Variants in OTUD3 observed in about 807,000 individuals in gnomAD.
OTUD3 encodes OTU deubiquitinase 3.
Under a neutral mutation model 46.2 loss-of-function variants are expected in OTUD3, and 24 were observed. The observed-to-expected ratio is 0.52, with a 90% confidence interval of 0.38 to 0.73. The LOEUF (loss-of-function observed/expected upper bound fraction) is 0.73, where lower values mean the gene tolerates loss of function less well. Ranked by LOEUF, OTUD3 falls within the 30% of genes least tolerant of loss-of-function variation. The probability of loss-of-function intolerance (pLI) is 0.00; values close to 1 mark genes in which losing one functional copy is unlikely to be tolerated. For synonymous variants in OTUD3, 189 were observed against 195.4 expected, an observed-to-expected ratio of 0.97 and a Z score of 0.27; for missense variants, 455 against 523.3, an observed-to-expected ratio of 0.87 and a Z score of 1.27.
chr1:19,897,833 G>C, intron 4 of OTUD3, 171 bp downstream of exon 4: 1 of 543,322 alleles, frequency 1.8e-6, no homozygotes, highest in Non-Finnish European at 3.0e-6. Context: ...GAGAGTGATA[G>C]ATAAAATTGC....
At position 19,896,816 on chromosome 1, in the gene OTUD3, C is replaced by G. The variant is rs79825719; in HGVS notation, c.484-724C>G. On this transcript the variant is annotated intron_variant, in intron 3 of 7. Transcript: ENST00000375120. Reference sequence around the variant, plus strand: ...CTTAGGGCTTCTGTACTGCACAACTCTAGGGAGCCCCATTCTTGTGCTGTG... The same window carrying G: ...CTTAGGGCTTCTGTACTGCACAACTGTAGGGAGCCCCATTCTTGTGCTGTG... Among the ~76,000 whole-genome samples, 250 of 152,304 alleles carry G rather than the reference C, an allele frequency of 1.6e-3. 8 individuals are homozygous for G. In the East Asian group the frequency reaches 0.045, roughly 27 times the overall value.
rs2100217396 is a variant in OTUD3, at chr1:19,882,616, A to G, written c.103A>G (p.Lys35Glu). 6.9e-7 allele frequency: 1 copy of G among 1,455,918 alleles called. No homozygotes were observed. Among genetic ancestry groups the G allele is most frequent in the South Asian group, 1.4e-5 (1 of 73,704 alleles). The allele number at this position is 1,455,918 out of a possible 1,614,324, so 90.2% of individuals were successfully genotyped here. A position where few individuals can be genotyped will look rare whatever the true frequency, so the allele number is the denominator to read the frequency against. The change falls in exon 1 of 8, where the codon AAG becomes GAG. Residue 35 changes from lysine to glutamate, a missense_variant. Transcript: ENST00000375120. ...GCGGGCGGCGCGCCGGGCCCTGGCC[A>G]AGGAGCGGCGGAATCGGCCGGAGTC... is the stretch of plus-strand genomic sequence containing the variant. The part of the protein sequence containing the change: ...DERAARRALA[K>E]ERRNRPESGG...
At position 19,887,912 on chromosome 1, in the gene OTUD3, T is replaced by C. The variant is rs561920677; in HGVS notation, c.222-2473T>C. On this transcript the variant is annotated intron_variant, in intron 1 of 7. Coordinates refer to ENST00000375120, the MANE Select transcript of OTUD3 (RefSeq NM_015207.2). ...TATTACTGCAGTCTAGAGAGCACGT[T>C]AGGTTTTTTGGTGCGTGTGTTGCAA... is the stretch of plus-strand genomic sequence containing the variant. Among the ~76,000 whole-genome samples the C allele has an allele frequency of 2.6e-5, 4 of 152,368 alleles. No individual in the cohort carries two copies. The South Asian group carries it at 8.3e-4, about 32-fold the overall frequency.
At chr1:19,883,010 C>A (rs575405679) in intron 1 of OTUD3, among the ~76,000 whole-genome samples, 1 of 152,322 alleles carries the variant, frequency 6.6e-6, no homozygotes, top group South Asian at 2.1e-4. Flanking sequence ...GGGAGCAGGG[C>A]CACTGGATTG....
In OTUD3 at chr1:19,907,673, A is replaced by T. The variant is rs2045681268; in HGVS notation, c.1124A>T (p.Asp375Val). Residue 375 changes from aspartate to valine, a missense_variant, in exon 8 of 8, where the codon GAC becomes GTC. Asp to Val is a radical substitution (Grantham distance 152, BLOSUM62 -3). Transcript: ENST00000375120. ...KALESRGSHR[D>V]NNRSEAEANT... ...CTGGAGAGCAGAGGTAGCCACAGGG[A>T]CAATAACAGAAGCGAAGCAGAGGCG... The T allele has an allele frequency of 1.2e-6, 2 of 1,614,232 alleles. No homozygotes were observed. Among genetic ancestry groups the T allele is most frequent in the Non-Finnish European group, 1.7e-6 (2 of 1,180,040 alleles).
At chr1:19,901,723 T>C (rs887844977) in intron 4 of OTUD3, among the ~76,000 whole-genome samples, 2 of 152,246 alleles carry the variant, frequency 1.3e-5, no homozygotes, top group African/African-American at 4.8e-5. Context: ...CCTTCTTCTC[T>C]ATGAATTTGC....
Position 19,890,538 on chromosome 1 carries a change from G to T in OTUD3, c.370+5G>T. ...ACATTCCTTTTGAGAAGCATGGTAG[G>T]TTCACTGTGGGACATTGTGTCCTTC... On this transcript the variant is annotated splice_donor_5th_base_variant and intron_variant, in intron 2 of 7. Coordinates refer to ENST00000375120, the MANE Select transcript of OTUD3 (RefSeq NM_015207.2). 1 of 1,613,358 alleles carries T rather than the reference G, an allele frequency of 6.2e-7. No individual in the cohort carries two copies.
intron 2 of OTUD3, among the ~76,000 whole-genome samples, 198 bp downstream of exon 2, chr1:19,890,731 C>G (rs1475269399): frequency 6.6e-6 from 1 of 152,114 alleles, no homozygotes; most frequent in East Asian, 1.9e-4. Flanking sequence ...GCTGTATATG[C>G]CCTTAATAAA....
At chr1:19,885,378 G>A (rs997323208) in intron 1 of OTUD3, among the ~76,000 whole-genome samples, 6 of 152,172 alleles carry the variant, frequency 3.9e-5, no homozygotes, top group African/African-American at 1.4e-4. Flanking sequence ...TAGTCCTTTC[G>A]AATGTGGTGA....
At chr1:19,895,371 A>G (rs892921019) in intron 3 of OTUD3, among the ~76,000 whole-genome samples, 1 of 152,168 alleles carries the variant, frequency 6.6e-6, no homozygotes, top group Non-Finnish European at 1.5e-5. Flanking sequence ...AACCACCACT[A>G]CTATCAACAC....
In OTUD3 at chr1:19,892,504, A is replaced by G. The variant is rs369470708; in HGVS notation, c.371-1864A>G. The stretch of plus-strand genomic sequence containing the variant: ...CTATTAAGGACCTGGTCACCCTTGC[A>G]TCTGGCTGTATCTTTAGGATTATTC... On this transcript the variant is annotated intron_variant, in intron 2 of 7. Coordinates refer to ENST00000375120, the MANE Select transcript of OTUD3 (RefSeq NM_015207.2). Among the ~76,000 whole-genome samples the G allele has an allele frequency of 5.9e-5, 9 of 152,198 alleles. No individual in the cohort carries two copies. In the East Asian group the frequency reaches 7.7e-4, roughly 13 times the overall value.
In OTUD3 at chr1:19,907,608, G is replaced by A. The variant is rs1457260778; in HGVS notation, c.1059G>A (p.Glu353=). 6.2e-7 allele frequency: 1 copy of A among 1,613,540 alleles called. No individual in the cohort carries two copies. The highest frequency in any genetic ancestry group is 2.2e-5 in the East Asian group (1 of 44,872). ...NKQRREQQWM[E]KKKRQEERHR... ...AGAGGCGAGAACAGCAGTGGATGGA[G>A]AAGAAGAAGCGGCAGGAGGAGAGGC... The change falls in exon 8 of 8, where the codon GAG becomes GAA. Residue 353 remains glutamate (E), a synonymous_variant. Coordinates refer to ENST00000375120, the MANE Select transcript of OTUD3 (RefSeq NM_015207.2).
chr1:19,904,953 T>G lies in OTUD3; in HGVS notation c.801T>G (p.Ile267Met), dbSNP rs1374603657. 6.3e-7 allele frequency: 1 copy of G among 1,595,084 alleles called. No homozygotes were observed. The highest frequency in any genetic ancestry group is 1.7e-5 in the Admixed American group (1 of 59,710). The change falls in exon 6 of 8, where the codon ATT becomes ATG. Residue 267 changes from isoleucine (I) to methionine (M), a missense_variant. Physicochemically the swap from Ile to Met is conservative, Grantham distance 10 (BLOSUM62 1). Coordinates refer to ENST00000375120, the MANE Select transcript of OTUD3 (RefSeq NM_015207.2). Reference sequence around the variant, plus strand: ...ATTATAATATTGAATCTGCAATAATTGCCGTGCTTCGGATGAACCAAGGGA... The same window carrying G: ...ATTATAATATTGAATCTGCAATAATGGCCGTGCTTCGGATGAACCAAGGGA... ...AENYNIESAI[I>M]AVLRMNQGKR...
Position 19,887,089 on chromosome 1 carries a change from T to C in OTUD3, c.222-3296T>C, listed in dbSNP as rs964570887. On this transcript the variant is annotated intron_variant, in intron 1 of 7. Transcript: ENST00000375120. ...TATTTTCTTTTTCTTTTTCTTTTTT[T>C]TTTTTTTTTGGAGACATTAGAGTTT... is the stretch of plus-strand genomic sequence containing the variant. Among the ~76,000 whole-genome samples the C allele has an allele frequency of 1.1e-3, 161 of 150,314 alleles. 2 individuals are homozygous for C. The highest frequency in any genetic ancestry group is 3.7e-3 in the African/African-American group (153 of 41,146).
intron 4 of OTUD3, among the ~76,000 whole-genome samples, chr1:19,900,452 A>G (rs2100299340): frequency 6.6e-6 from 1 of 152,114 alleles, no homozygotes; most frequent in Non-Finnish European, 1.5e-5. Flanking sequence ...GACCACCCAA[A>G]GTGTTGAGAT....
intron 2 of OTUD3, among the ~76,000 whole-genome samples, chr1:19,893,050 C>T (rs2045469731): frequency 6.6e-6 from 1 of 152,172 alleles, no homozygotes; most frequent in East Asian, 1.9e-4. Context: ...GAACATCATC[C>T]ATTTCTCCTG....
intron 4 of OTUD3, among the ~76,000 whole-genome samples, chr1:19,899,310 C>G (rs142383104): frequency 1.4e-4 from 21 of 152,274 alleles, no homozygotes; most frequent in African/African-American, 4.6e-4. Flanking sequence ...TGCACATATT[C>G]CACTTTTGCC....
In OTUD3 at chr1:19,909,661, G is replaced by A. The variant is rs775086040; in HGVS notation, c.*1915G>A. On this transcript the variant is annotated 3_prime_UTR_variant, in exon 8 of 8. Coordinates refer to ENST00000375120, the MANE Select transcript of OTUD3 (RefSeq NM_015207.2). ...CAGATCCTCTCAGAAAGATAAGATTGTATGCCAGAAATTCAGATTAGCAGT... is the reference window on the plus strand; with the variant it reads ...CAGATCCTCTCAGAAAGATAAGATTATATGCCAGAAATTCAGATTAGCAGT... 5.3e-5 allele frequency: 8 copies of A among 152,304 alleles called. No individual in the cohort carries two copies. Among genetic ancestry groups the A allele is most frequent in the Non-Finnish European group, 1.0e-4 (7 of 68,044 alleles). The allele number at this position is 152,304 out of a possible 1,614,324, so 9.4% of individuals were successfully genotyped here.
At position 19,904,923 on chromosome 1, in the gene OTUD3, TG is replaced by T; in HGVS notation, c.772del (p.Glu258LysfsTer9). ...FNLIVQNLEA[E>X]NYNIESAIIA... ...ATTTAATAGTCCAGAACCTGGAAGCTGAAAATTATAATATTGAATCTGCAAT... is the reference window on the plus strand; with the variant it reads ...ATTTAATAGTCCAGAACCTGGAAGCTAAAATTATAATATTGAATCTGCAAT... On this transcript the variant is annotated frameshift_variant, in exon 6 of 8. Coordinates refer to ENST00000375120, the MANE Select transcript of OTUD3 (RefSeq NM_015207.2). LOFTEE classifies it high-confidence loss of function. The T allele has an allele frequency of 6.3e-7, 1 of 1,595,130 alleles. No individual in the cohort carries two copies. The highest frequency in any genetic ancestry group is 8.6e-7 in the Non-Finnish European group (1 of 1,164,424).
Sources: gnomAD v4.1 joint callset for allele counts (sites outside exome capture counted in the v4.1 genomes callset) on GRCh38, gnomAD v4.1.1 for gene constraint, MANE v1.5 for transcripts, NCBI Gene and HGNC (gene_info 2026-07-23, HGNC 2026-07-21) for gene names.